The following KSR1 variants were observed in gnomAD, a reference collection of about 807,000 sequenced individuals.
KSR1 encodes the protein kinase suppressor of ras 1.
Under a neutral mutation model 92.9 loss-of-function variants are expected in KSR1, and 35 were observed. The observed-to-expected ratio is 0.38, with a 90% CI of 0.29 to 0.50. The LOEUF is 0.50. Ranked by LOEUF, KSR1 falls within the 20% of genes least tolerant of loss-of-function variation. The pLI is 0.94. For synonymous variants in KSR1, 467 were observed against 472.6 expected, an observed-to-expected ratio of 0.99 and a Z score of 0.15; for missense variants, 972 against 1,158.5, an observed-to-expected ratio of 0.84 and a Z score of 2.34.
At chr17:27,460,777 G>A (rs543244481) in intron 1 of KSR1, among the ~76,000 whole-genome samples, 4 of 152,326 alleles carry the variant, frequency 2.6e-5, no homozygotes, top group Non-Finnish European at 1.5e-5. Context: ...ACTGCTGGGA[G>A]AGGGGAGGGG....
chr17:27,465,375 G>A (rs2019640610), intron 1 of KSR1: 3 of 152,118 alleles, frequency 2.0e-5, no homozygotes, highest in Admixed American at 6.6e-5. Context: ...ATAATTGTAA[G>A]AATGAATTAA....
chr17:27,604,891 TGCAATGGA>T (rs1410535534), intron 13 of KSR1, among the ~76,000 whole-genome samples, 163 bp downstream of exon 13: 1 of 152,166 alleles, frequency 6.6e-6, no homozygotes, highest in African/African-American at 2.4e-5. Context: ...CGATGAGGAA[TGCAATGGA>T]GCAAGCTTGT....
chr17:27,605,724 G>A lies in KSR1; in HGVS notation c.1905G>A (p.Glu635=). The A allele has an allele frequency of 1.2e-6, 2 of 1,612,960 alleles. No homozygotes were observed. The highest frequency in any genetic ancestry group is 8.5e-7 in the Non-Finnish European group (1 of 1,179,864). The part of the protein sequence containing the change: ...NQDHLKLFKK[E]VMNYRQTRHE... ...ACCACCTGAAGCTCTTCAAGAAAGA[G>A]GTGATGAACTACCGGCAGACGCGGC... The change falls in exon 14 of 21, where the codon GAG becomes GAA. Residue 635 remains glutamate (E), a synonymous_variant. Transcript: ENST00000644974.
At position 27,604,731 on chromosome 17, in the gene KSR1, G is replaced by A. The variant is rs183624000; in HGVS notation, c.1614+3G>A. 2.1e-5 allele frequency: 34 copies of A among 1,614,000 alleles called. No homozygotes were observed. Among genetic ancestry groups the A allele is most frequent in the Non-Finnish European group, 2.4e-5 (28 of 1,179,868 alleles). ...TGTTGGAAGCTCACGAAGCGGAGGT[G>A]AGGGTGACACACACGTGTCCACAGA... On this transcript the variant is annotated splice_donor_region_variant and intron_variant, in intron 13 of 20. Coordinates refer to ENST00000644974, the MANE Select transcript of KSR1 (RefSeq NM_001394583.1).
chr17:27,561,321 G>T (rs146432879), intron 2 of KSR1, among the ~76,000 whole-genome samples: 53 of 152,304 alleles, frequency 3.5e-4, no homozygotes, highest in African/African-American at 1.2e-3. Context: ...GTGTGTGCAC[G>T]TGTGTCTCTC....
chr17:27,519,712 A>T (rs1189980692), intron 1 of KSR1, among the ~76,000 whole-genome samples: 3 of 152,246 alleles, frequency 2.0e-5, no homozygotes, highest in Non-Finnish European at 4.4e-5. Flanking sequence ...ACCAAACAAA[A>T]AGCAAGGAGC....
intron 1 of KSR1, among the ~76,000 whole-genome samples, chr17:27,541,073 C>T (rs1388669432): frequency 2.0e-5 from 3 of 152,198 alleles, no homozygotes; most frequent in African/African-American, 7.2e-5. Context: ...GAGTAAGTTG[C>T]CAGGGCTTTG....
At chr17:27,611,213 A>C in intron 17 of KSR1, 1 of 417,462 alleles carries the variant, frequency 2.4e-6, no homozygotes, top group African/African-American at 2.0e-5. Context: ...TTGCAGCTAG[A>C]AGGTGGCAGA....
rs2074285762 is a variant in KSR1, at chr17:27,623,756, G to A, written c.*364G>A. On this transcript the variant is annotated 3_prime_UTR_variant, in exon 21 of 21. Transcript: ENST00000644974. ...CATCCCCTCTGAGGACCTTGTAGGC[G>A]GTGAGGGACCCATGCTGGGCCAGAA... is the stretch of plus-strand genomic sequence containing the variant. 1.6e-5 allele frequency: 9 copies of A among 551,016 alleles called. 1 individual carries two copies. Among genetic ancestry groups the A allele is most frequent in the South Asian group, 1.5e-4 (6 of 38,798 alleles). 34.1% of individuals were successfully genotyped at this position (551,016 alleles called of 1,614,324 possible). A position where few individuals can be genotyped will look rare whatever the true frequency, so the allele number is the denominator to read the frequency against.
chr17:27,521,764 G>A (rs1379648489), intron 1 of KSR1, among the ~76,000 whole-genome samples: 1 of 152,210 alleles, frequency 6.6e-6, no homozygotes, highest in Non-Finnish European at 1.5e-5. Flanking sequence ...AGGCAGGTGG[G>A]TTAGAACCAG....
At chr17:27,472,814 A>T (rs529490442) in intron 1 of KSR1, among the ~76,000 whole-genome samples, 133 of 150,376 alleles carry the variant, frequency 8.8e-4, no homozygotes, top group Admixed American at 2.7e-3. Context: ...AAATGAAAAT[A>T]AAAAAAAAAT....
chr17:27,522,537 A>C (rs2070086009), intron 1 of KSR1, among the ~76,000 whole-genome samples: 1 of 152,216 alleles, frequency 6.6e-6, no homozygotes, highest in African/African-American at 2.4e-5. Flanking sequence ...TCTTTCCAGC[A>C]GAGATGAGAT....
At chr17:27,610,409 C>G (rs1045211064) in intron 17 of KSR1, among the ~76,000 whole-genome samples, 1 of 152,194 alleles carries the variant, frequency 6.6e-6, no homozygotes, top group Non-Finnish European at 1.5e-5. Flanking sequence ...ATATCCTTGA[C>G]CTGGAATAGC....
At chr17:27,530,520 G>A (rs1481396156) in intron 1 of KSR1, among the ~76,000 whole-genome samples, 2 of 152,128 alleles carry the variant, frequency 1.3e-5, no homozygotes, top group Non-Finnish European at 2.9e-5. Context: ...GCTGGGCATG[G>A]CGGCCTGAGC....
At chr17:27,512,499 G>A (rs899101941) in intron 1 of KSR1, among the ~76,000 whole-genome samples, 1 of 152,218 alleles carries the variant, frequency 6.6e-6, no homozygotes, top group African/African-American at 2.4e-5. Context: ...GAGGCAGGTG[G>A]ATTACCTGAG....
chr17:27,524,678 A>G (rs1333279600), intron 1 of KSR1, among the ~76,000 whole-genome samples: 1 of 152,230 alleles, frequency 6.6e-6, no homozygotes, highest in Non-Finnish European at 1.5e-5. Context: ...CAAATCAAAG[A>G]GCTGCTAAGC....
chr17:27,556,123 T>C (rs2071584931), intron 2 of KSR1, among the ~76,000 whole-genome samples: 1 of 152,244 alleles, frequency 6.6e-6, no homozygotes, highest in Admixed American at 6.5e-5. Context: ...GAAAAAAACC[T>C]AGAAGTGAAC....
At chr17:27,491,015 A>G (rs1007109112) in intron 1 of KSR1, among the ~76,000 whole-genome samples, 5 of 152,210 alleles carry the variant, frequency 3.3e-5, no homozygotes, top group Admixed American at 1.3e-4. Flanking sequence ...TATATATAGT[A>G]TGATCCTTCT....
At chr17:27,516,808 A>G (rs143833014) in intron 1 of KSR1, among the ~76,000 whole-genome samples, 211 of 152,296 alleles carry the variant, frequency 1.4e-3, no homozygotes, top group Non-Finnish European at 2.4e-3. Context: ...TCCTGAGAAC[A>G]TGTGCCCAAG....
Sources: allele counts gnomAD v4.1 joint callset (sites outside exome capture counted in the v4.1 genomes callset), GRCh38; gene constraint gnomAD v4.1.1; transcripts MANE v1.5; gene names NCBI Gene and HGNC (gene_info 2026-07-23, HGNC 2026-07-21).